Variants in METTL16 observed in about 807,000 individuals in gnomAD.
METTL16 encodes the protein RNA N(6)-adenosine-methyltransferase METTL16.
In METTL16, 19 loss-of-function variants were observed where a neutral mutation model predicts 57.9. That is an observed-to-expected ratio of 0.33 (90% confidence interval 0.23 to 0.48). METTL16 has a LOEUF of 0.48. METTL16 is among the 20% of genes least tolerant of loss of function. The pLI, the probability that METTL16 is intolerant of heterozygous loss-of-function variation, is 0.99. For synonymous variants in METTL16, 246 were observed against 255.6 expected (o/e 0.96, Z 0.36); for missense variants, 434 against 691.5 (o/e 0.63, Z 4.18).
Position 2,417,196 on chromosome 17 carries a change from T to A in METTL16, c.*2774A>T, listed in dbSNP as rs989674542. The A allele has an allele frequency of 6.6e-6, 1 of 151,412 alleles. No individual in the cohort carries two copies. Among genetic ancestry groups the A allele is most frequent in the Non-Finnish European group, 1.5e-5 (1 of 68,252 alleles). The allele number at this position is 151,412 out of a possible 1,614,324, so 9.4% of individuals were successfully genotyped here. On this transcript the variant is annotated 3_prime_UTR_variant, in exon 10 of 10. Transcript: ENST00000263092. The stretch of plus-strand genomic sequence containing the variant: ...CTCCTGCCTCAGCCTCCCGAGTAGC[T>A]GGGATTACAGGCACGTGCTATCATG...
chr17:2,424,745 G>A (rs985451456), intron 8 of METTL16, among the ~76,000 whole-genome samples: 1 of 151,862 alleles, frequency 6.6e-6, no homozygotes, highest in African/African-American at 2.4e-5. Flanking sequence ...TCGGGAGATT[G>A]AGACCATCCT....
intron 2 of METTL16, among the ~76,000 whole-genome samples, chr17:2,486,309 T>C (rs1257508494): frequency 6.6e-6 from 1 of 151,858 alleles, no homozygotes; most frequent in Non-Finnish European, 1.5e-5. Flanking sequence ...TCTCGCTCTG[T>C]CACCCAGGCT....
intron 6 of METTL16, among the ~76,000 whole-genome samples, chr17:2,457,324 C>T (rs1336970729): frequency 2.5e-5 from 3 of 118,792 alleles, no homozygotes; most frequent in East Asian, 4.7e-4. Context: ...GACGACAGAG[C>T]GAGACTCCGT....
chr17:2,464,170 T>A, intron 6 of METTL16, 38 bp downstream of exon 6: 1 of 1,591,448 alleles, frequency 6.3e-7, no homozygotes, highest in Non-Finnish European at 8.6e-7. Context: ...TATTCCTGTG[T>A]TGTAAAGATG....
Position 2,419,549 on chromosome 17 carries a change from C to G in METTL16, c.*421G>C, listed in dbSNP as rs2066744199. ...TAGAACAGGGTACCAGGGCCTCCAG[C>G]TGGAGGCAGAGAGAGCCACCCCTCC... On this transcript the variant is annotated 3_prime_UTR_variant, in exon 10 of 10. Coordinates refer to ENST00000263092, the MANE Select transcript of METTL16 (RefSeq NM_024086.4). 2.2e-6 allele frequency: 1 copy of G among 455,058 alleles called. No individual in the cohort carries two copies. Among genetic ancestry groups the G allele is most frequent in the Admixed American group, 2.4e-5 (1 of 42,260 alleles). The allele number at this position is 455,058 out of a possible 1,614,324, so 28.2% of individuals were successfully genotyped here.
chr17:2,493,766 GCAGA>G (rs963031146), intron 2 of METTL16, among the ~76,000 whole-genome samples: 1 of 151,172 alleles, frequency 6.6e-6, no homozygotes, highest in Non-Finnish European at 1.5e-5. Context: ...TTCTACCAGT[GCAGA>G]CAATCATCAA....
At chr17:2,507,392 A>C (rs1362512515) in intron 1 of METTL16, among the ~76,000 whole-genome samples, 23 of 119,150 alleles carry the variant, frequency 1.9e-4, no homozygotes, top group Non-Finnish European at 2.3e-4. Flanking sequence ...GTCAGCCCCC[A>C]GCCCGGCCAG....
chr17:2,444,770 G>C (rs1219492606), intron 6 of METTL16, among the ~76,000 whole-genome samples: 2 of 149,448 alleles, frequency 1.3e-5, no homozygotes, highest in African/African-American at 5.0e-5. Context: ...CTGCAGTGCA[G>C]TGGCGTGATC....
At chr17:2,421,519 G>A (rs1000602046) in intron 8 of METTL16, among the ~76,000 whole-genome samples, 3 of 152,278 alleles carry the variant, frequency 2.0e-5, no homozygotes, top group African/African-American at 4.8e-5. Flanking sequence ...CAGCCGCACC[G>A]CACTGCCTTT....
At chr17:2,501,502 A>T (rs938428358) in intron 2 of METTL16, among the ~76,000 whole-genome samples, 1 of 152,204 alleles carries the variant, frequency 6.6e-6, no homozygotes, top group Non-Finnish European at 1.5e-5. Context: ...AATATCTGTG[A>T]AATCAGTCCT....
intron 6 of METTL16, among the ~76,000 whole-genome samples, chr17:2,463,152 C>T (rs1206278000): frequency 6.6e-6 from 1 of 152,186 alleles, no homozygotes; most frequent in Non-Finnish European, 1.5e-5. Flanking sequence ...TCAATGTCCT[C>T]ACATCTGTCA....
chr17:2,422,964 A>G (rs2066778788), intron 8 of METTL16, among the ~76,000 whole-genome samples: 2 of 152,178 alleles, frequency 1.3e-5, no homozygotes, highest in African/African-American at 2.4e-5. Flanking sequence ...GCCTGGAGAC[A>G]GAAGGAGACT....
At chr17:2,489,675 G>A (rs2067370209) in intron 2 of METTL16, among the ~76,000 whole-genome samples, 1 of 133,252 alleles carries the variant, frequency 7.5e-6, no homozygotes, top group African/African-American at 3.0e-5. Context: ...AGAGGTGGAG[G>A]TTGCAGTGAG....
intron 2 of METTL16, among the ~76,000 whole-genome samples, chr17:2,481,086 G>T (rs2067302414): frequency 6.6e-6 from 1 of 151,904 alleles, no homozygotes; most frequent in South Asian, 2.1e-4. Flanking sequence ...TGCACCTTTA[G>T]TCCCAGCTAC....
chr17:2,450,400 C>G (rs1008372716), intron 6 of METTL16, among the ~76,000 whole-genome samples: 4 of 152,284 alleles, frequency 2.6e-5, no homozygotes, highest in African/African-American at 7.2e-5. Flanking sequence ...ACACACAAAA[C>G]TGTTGTGACA....
At chr17:2,470,407 T>C (rs1264834156) in intron 4 of METTL16, among the ~76,000 whole-genome samples, 1 of 152,192 alleles carries the variant, frequency 6.6e-6, no homozygotes, top group African/African-American at 2.4e-5. Context: ...CATTGCCTTG[T>C]TGAGCCTCAG....
chr17:2,476,904 C>T (rs1267956524), intron 3 of METTL16, among the ~76,000 whole-genome samples: 2 of 150,614 alleles, frequency 1.3e-5, no homozygotes, highest in East Asian at 2.0e-4. Flanking sequence ...TGCAACGAGT[C>T]GAGACCGTGC....
intron 2 of METTL16, among the ~76,000 whole-genome samples, chr17:2,484,638 A>G (rs571919829): frequency 6.6e-6 from 1 of 152,022 alleles, no homozygotes; most frequent in African/African-American, 2.4e-5. Flanking sequence ...AGGACTACAG[A>G]CATGTACCAC....
In METTL16 at chr17:2,419,409, ACT is replaced by A. The variant is rs1338738326; in HGVS notation, c.*559_*560del. 1.0e-5 allele frequency: 3 copies of A among 297,568 alleles called. No homozygotes were observed. The highest frequency in any genetic ancestry group is 9.2e-5 in the East Asian group (1 of 10,920). The allele number at this position is 297,568 out of a possible 1,614,324, so 18.4% of individuals were successfully genotyped here. A position where few individuals can be genotyped will look rare whatever the true frequency, so the allele number is the denominator to read the frequency against. Reference sequence around the variant, plus strand: ...GTGCCATTTACCGGGTGGTCCCCAGACTCTGCTGCTCCTTCCCAGCATTACTA... The same window carrying A: ...GTGCCATTTACCGGGTGGTCCCCAGACTGCTGCTCCTTCCCAGCATTACTA... On this transcript the variant is annotated 3_prime_UTR_variant, in exon 10 of 10. Coordinates refer to ENST00000263092, the MANE Select transcript of METTL16 (RefSeq NM_024086.4).
Sources: allele counts gnomAD v4.1 joint callset (sites outside exome capture counted in the v4.1 genomes callset), GRCh38; gene constraint gnomAD v4.1.1; transcripts MANE v1.5; gene names NCBI Gene and HGNC (gene_info 2026-07-23, HGNC 2026-07-21).